MS4A6E: variants seen among roughly 807,000 people sequenced by gnomAD.
MS4A6E encodes the protein membrane-spanning 4-domains subfamily A member 6E.
In MS4A6E, 8 loss-of-function variants were observed where a neutral mutation model predicts 13.2. The observed-to-expected ratio is 0.60, with a 90% CI of 0.35 to 1.09. The LOEUF is 1.09. MS4A6E is among the 50% of genes least tolerant of loss of function. The pLI is 0.02. For missense variants in MS4A6E, 177 were observed against 171.1 expected, an observed-to-expected ratio of 1.03 and a Z score of -0.19; for synonymous variants, 72 against 67.6, an observed-to-expected ratio of 1.06 and a Z score of -0.32.
In MS4A6E at chr11:60,337,804, C is replaced by A; in HGVS notation, c.211C>A (p.Leu71Met). Residue 71 changes from leucine to methionine, a missense_variant, in exon 3 of 5, where the codon CTG becomes ATG. By Grantham distance (15) the Leu-to-Met change is conservative (BLOSUM62 2). Transcript: ENST00000684409. ...GTCTGCCCTGGTGGGTTTCATTCTC[C>A]TGTCTGTCAACCCGGCTGCATTAAA... ...ALSALVGFIL[L>M]SVNPAALNPA... 1 of 1,614,202 alleles carries A rather than the reference C, an allele frequency of 6.2e-7. No individual in the cohort carries two copies. Among genetic ancestry groups the A allele is most frequent in the Non-Finnish European group, 8.5e-7 (1 of 1,180,042 alleles).
intron 2 of MS4A6E, 122 bp from the exon 3 acceptor site, chr11:60,337,619 G>T: frequency 8.4e-7 from 1 of 1,196,590 alleles, no homozygotes; most frequent in Middle Eastern, 2.9e-4. Context: ...AACAAGAAAT[G>T]ATCCCTCCGG....
chr11:60,332,480 C>G (rs1179721627), intron 1 of MS4A6E, among the ~76,000 whole-genome samples: 2 of 152,186 alleles, frequency 1.3e-5, no homozygotes, highest in Non-Finnish European at 2.9e-5. Flanking sequence ...AGTCCTGTTT[C>G]CCAGGTCCCA....
At position 60,329,372 on chromosome 11, in the gene MS4A6E, T is replaced by C. The variant is rs188452278; in HGVS notation, c.-15+1964T>C. On this transcript the variant is annotated intron_variant, in intron 1 of 4. Coordinates refer to ENST00000684409, the MANE Select transcript of MS4A6E (RefSeq NM_139249.4). ...TATTCCATAGTATATATGTGCCACA[T>C]TTTCTTTATCCAGTCTATCATTGAT... Among the ~76,000 whole-genome samples, 345 of 152,328 alleles carry C rather than the reference T, an allele frequency of 2.3e-3. 2 individuals carry two copies. Among genetic ancestry groups the C allele is most frequent in the Non-Finnish European group, 2.3e-3 (158 of 68,026 alleles).
chr11:60,332,391 A>G (rs1301907800), intron 1 of MS4A6E, among the ~76,000 whole-genome samples: 1 of 152,232 alleles, frequency 6.6e-6, no homozygotes, highest in Non-Finnish European at 1.5e-5. Context: ...AATGCTCATT[A>G]TTCATGAGGA....
chr11:60,347,509 A>G (rs1196455004), intron 4 of MS4A6E, among the ~76,000 whole-genome samples: 1 of 151,750 alleles, frequency 6.6e-6, no homozygotes, highest in Admixed American at 6.6e-5. Context: ...GAGGAGTCCC[A>G]ATGTTCTAGA....
chr11:60,334,487 T>A (rs1350874546), intron 1 of MS4A6E, among the ~76,000 whole-genome samples: 1 of 152,166 alleles, frequency 6.6e-6, no homozygotes, highest in Non-Finnish European at 1.5e-5. Context: ...AGATGCATGC[T>A]AATAGACAAA....
At chr11:60,335,714 A>G (rs183336065) in intron 2 of MS4A6E, 5 of 404,146 alleles carry the variant, frequency 1.2e-5, no homozygotes, top group Non-Finnish European at 9.7e-6. Flanking sequence ...CTCATGTACA[A>G]TCATATGGGT....
At chr11:60,332,054 T>C (rs1425048337) in intron 1 of MS4A6E, among the ~76,000 whole-genome samples, 2 of 152,246 alleles carry the variant, frequency 1.3e-5, no homozygotes, top group Non-Finnish European at 2.9e-5. Context: ...TATAACAGTC[T>C]GAACAGACAA....
chr11:60,334,348 A>G (rs1361386974), intron 1 of MS4A6E, among the ~76,000 whole-genome samples: 1 of 152,216 alleles, frequency 6.6e-6, no homozygotes, highest in African/African-American at 2.4e-5. Flanking sequence ...ATGCTAACCA[A>G]TAAAGGTCTT....
At chr11:60,343,846 C>T (rs896453446), downstream of MS4A6E, among the ~76,000 whole-genome samples, 1 of 152,124 alleles carries the variant, frequency 6.6e-6, no homozygotes, top group African/African-American at 2.4e-5. Context: ...GCTTTCCAGG[C>T]TTTGACTGGA....
chr11:60,340,846 A>T lies in MS4A6E; in HGVS notation c.*80A>T. 5.7e-6 allele frequency: 1 copy of T among 175,836 alleles called. No individual in the cohort carries two copies. Among genetic ancestry groups the T allele is most frequent in the Non-Finnish European group, 1.3e-5 (1 of 78,430 alleles). The allele number at this position is 175,836 out of a possible 1,614,324, so 10.9% of individuals were successfully genotyped here. A position where few individuals can be genotyped will look rare whatever the true frequency, so the allele number is the denominator to read the frequency against. On this transcript the variant is annotated 3_prime_UTR_variant, in exon 5 of 5. Transcript: ENST00000684409. ...CTATTGACTTCTTGGGAAAAAACGG[A>T]GAAATATTAATTGGAAAGTTGATTT...
chr11:60,337,106 C>T (rs1321843687), intron 2 of MS4A6E, among the ~76,000 whole-genome samples: 1 of 152,168 alleles, frequency 6.6e-6, no homozygotes, highest in Non-Finnish European at 1.5e-5. Flanking sequence ...CCACCCCATG[C>T]TGCGCTCAAT....
At chr11:60,338,306 G>A (rs961532524) in intron 3 of MS4A6E, among the ~76,000 whole-genome samples, 2 of 152,136 alleles carry the variant, frequency 1.3e-5, no homozygotes, top group South Asian at 2.1e-4. Context: ...AGAAAGACCC[G>A]GGTGATCAGA....
intron 3 of MS4A6E, among the ~76,000 whole-genome samples, chr11:60,339,610 A>G (rs991947859): frequency 2.6e-5 from 4 of 152,186 alleles, no homozygotes; most frequent in Non-Finnish European, 5.9e-5. Context: ...CGTCTCAAAG[A>G]AGTGAGAAAC....
chr11:60,343,443 G>T (rs1214375046), downstream of MS4A6E, among the ~76,000 whole-genome samples: 1 of 152,188 alleles, frequency 6.6e-6, no homozygotes, highest in Non-Finnish European at 1.5e-5. Context: ...ATTCCATATT[G>T]CAGGTGCCAC....
At chr11:60,342,234 G>A (rs1475243384), downstream of MS4A6E, among the ~76,000 whole-genome samples, 2 of 149,194 alleles carry the variant, frequency 1.3e-5, no homozygotes, top group African/African-American at 5.0e-5. Context: ...AAGACAGAAT[G>A]TACTTCCTTT....
chr11:60,336,440 C>T (rs1316449354), intron 2 of MS4A6E, among the ~76,000 whole-genome samples: 1 of 151,992 alleles, frequency 6.6e-6, no homozygotes, highest in Non-Finnish European at 1.5e-5. Context: ...GAGAACAATC[C>T]CACAGTGAAC....
intron 2 of MS4A6E, among the ~76,000 whole-genome samples, chr11:60,336,816 T>A (rs984329381): frequency 1.3e-5 from 2 of 152,198 alleles, no homozygotes; most frequent in Non-Finnish European, 2.9e-5. Context: ...ACAATAGCTT[T>A]CAGAATGCTG....
intron 1 of MS4A6E, among the ~76,000 whole-genome samples, chr11:60,330,630 C>T (rs112959386): frequency 0.02 from 3,101 of 152,184 alleles, 111 homozygotes; most frequent in African/African-American, 0.07. Context: ...TAAGCCACCG[C>T]GCCTGGCCAA....
Sources: gnomAD v4.1 joint callset for allele counts (sites outside exome capture counted in the v4.1 genomes callset) on GRCh38, gnomAD v4.1.1 for gene constraint, MANE v1.5 for transcripts, NCBI Gene and HGNC (gene_info 2026-07-23, HGNC 2026-07-21) for gene names.